Variants in SEMA3A observed in about 807,000 individuals in gnomAD.
SEMA3A encodes semaphorin-3A.
In SEMA3A, 29 loss-of-function variants were observed where a neutral mutation model predicts 97.9. The observed-to-expected ratio is 0.30, with a 90% CI of 0.22 to 0.40. The LOEUF is 0.40. SEMA3A is among the 10% of genes least tolerant of loss of function. The pLI is 1.00. For synonymous variants in SEMA3A, 321 were observed against 323.7 expected, an observed-to-expected ratio of 0.99 and a Z score of 0.09; for missense variants, 763 against 951.3, an observed-to-expected ratio of 0.80 and a Z score of 2.60.
intron 2 of SEMA3A, among the ~76,000 whole-genome samples, chr7:84,347,944 C>A (rs1802341798): frequency 6.6e-6 from 1 of 151,988 alleles, no homozygotes; most frequent in South Asian, 2.1e-4. Context: ...TCATCTAAAC[C>A]CATCAAAACT....
chr7:84,193,799 T>G (rs896176892), intron 1 of SEMA3A, among the ~76,000 whole-genome samples: 1 of 152,150 alleles, frequency 6.6e-6, no homozygotes, highest in Admixed American at 6.5e-5. Context: ...CAACTACCTA[T>G]GCAAGCAGAC....
chr7:84,438,696 T>G (rs1326269471), intron 1 of SEMA3A, among the ~76,000 whole-genome samples: 5 of 152,052 alleles, frequency 3.3e-5, no homozygotes, highest in Non-Finnish European at 7.4e-5. Flanking sequence ...TAAAGACTTC[T>G]GTATGGTAAG....
At chr7:84,358,566 A>ACG (rs1802630545) in intron 2 of SEMA3A, among the ~76,000 whole-genome samples, 1 of 152,148 alleles carries the variant, frequency 6.6e-6, no homozygotes, top group East Asian at 1.9e-4. Context: ...GAAGTCAGGT[A>ACG]GCATGATGCC....
intron 1 of SEMA3A, among the ~76,000 whole-genome samples, chr7:84,147,610 C>T (rs1177999790): frequency 6.6e-6 from 1 of 152,080 alleles, no homozygotes; most frequent in Non-Finnish European, 1.5e-5. Context: ...GCAGAAATTA[C>T]CTAAACCCTA....
chr7:84,234,593 T>A (rs1205949430), intron 3 of SEMA3A, among the ~76,000 whole-genome samples: 1 of 152,046 alleles, frequency 6.6e-6, no homozygotes, highest in African/African-American at 2.4e-5. Context: ...CTTTGAACCA[T>A]ACCCTTGTTG....
intron 3 of SEMA3A, among the ~76,000 whole-genome samples, chr7:84,293,581 C>T (rs1032332190): frequency 1.3e-5 from 2 of 151,902 alleles, no homozygotes; most frequent in African/African-American, 4.8e-5. Flanking sequence ...ACATTAAATT[C>T]TTAACTATCT....
intron 1 of SEMA3A, among the ~76,000 whole-genome samples, chr7:84,484,663 C>T (rs537837007): frequency 2.6e-5 from 4 of 151,990 alleles, no homozygotes; most frequent in East Asian, 3.9e-4. Flanking sequence ...ATAGCATTTC[C>T]GACTGGTGAC....
chr7:84,156,063 A>T (rs983440539), intron 1 of SEMA3A, among the ~76,000 whole-genome samples: 3 of 152,128 alleles, frequency 2.0e-5, no homozygotes, highest in African/African-American at 7.2e-5. Context: ...CCAATTTTTT[A>T]AAGTTTCTAT....
At chr7:84,107,486 T>C (rs1225411063) in intron 4 of SEMA3A, among the ~76,000 whole-genome samples, 1 of 152,218 alleles carries the variant, frequency 6.6e-6, no homozygotes, top group Non-Finnish European at 1.5e-5. Context: ...TCTATAGTTA[T>C]CATGCAAATC....
At chr7:84,029,181 T>A (rs1791652260) in intron 6 of SEMA3A, among the ~76,000 whole-genome samples, 1 of 152,206 alleles carries the variant, frequency 6.6e-6, no homozygotes, top group Non-Finnish European at 1.5e-5. Flanking sequence ...CATGATTTGA[T>A]AATTATTATC....
intron 6 of SEMA3A, among the ~76,000 whole-genome samples, chr7:84,020,326 G>C (rs377110560): frequency 2.6e-5 from 4 of 151,536 alleles, no homozygotes; most frequent in Non-Finnish European, 5.9e-5. Context: ...TTACAGGTGT[G>C]AGCCACTATG....
intron 1 of SEMA3A, among the ~76,000 whole-genome samples, chr7:84,157,046 C>A (rs1796866381): frequency 6.6e-6 from 1 of 152,024 alleles, no homozygotes; most frequent in South Asian, 2.1e-4. Context: ...AATTTTCAAC[C>A]TTGGTATATT....
intron 3 of SEMA3A, among the ~76,000 whole-genome samples, chr7:84,296,693 C>A (rs752334968): frequency 3.3e-5 from 5 of 152,098 alleles, no homozygotes; most frequent in Non-Finnish European, 5.9e-5. Flanking sequence ...TTATTTTACT[C>A]ATCTTTGTAC....
At chr7:84,368,021 C>T (rs569441332) in intron 2 of SEMA3A, among the ~76,000 whole-genome samples, 19 of 151,210 alleles carry the variant, frequency 1.3e-4, no homozygotes, top group African/African-American at 3.9e-4. Context: ...AGAAGTAATG[C>T]TTTCAAGGAT....
intron 3 of SEMA3A, among the ~76,000 whole-genome samples, chr7:84,227,124 C>A (rs1202329543): frequency 6.6e-6 from 1 of 151,536 alleles, no homozygotes; most frequent in Non-Finnish European, 1.5e-5. Context: ...TTGGCGATAT[C>A]TATTTATATC....
intron 1 of SEMA3A, among the ~76,000 whole-genome samples, chr7:84,463,914 G>A (rs921316818): frequency 1.3e-5 from 2 of 151,690 alleles, no homozygotes; most frequent in Non-Finnish European, 2.9e-5. Flanking sequence ...ATTCTTCCAG[G>A]GACAAGGTCC....
intron 2 of SEMA3A, among the ~76,000 whole-genome samples, chr7:84,308,114 T>C (rs1404208985): frequency 1.3e-5 from 2 of 152,094 alleles, no homozygotes; most frequent in Non-Finnish European, 2.9e-5. Flanking sequence ...AGATACAGGT[T>C]CTAAAGTAGT....
intron 1 of SEMA3A, among the ~76,000 whole-genome samples, chr7:84,434,528 C>T (rs1323024655): frequency 6.6e-6 from 1 of 152,130 alleles, no homozygotes; most frequent in Non-Finnish European, 1.5e-5. Flanking sequence ...CAGAACCACC[C>T]TGATACCAAA....
chr7:84,017,146 A>G (rs1791136355), intron 6 of SEMA3A, among the ~76,000 whole-genome samples: 1 of 152,194 alleles, frequency 6.6e-6, no homozygotes, highest in Non-Finnish European at 1.5e-5. Context: ...AAATGACAAC[A>G]AAGAAAACAA....
Sources: gnomAD v4.1 joint callset for allele counts (sites outside exome capture counted in the v4.1 genomes callset) on GRCh38, gnomAD v4.1.1 for gene constraint, MANE v1.5 for transcripts, NCBI Gene and HGNC (gene_info 2026-07-23, HGNC 2026-07-21) for gene names.